The following BRF1 variants were observed in gnomAD, a reference collection of about 807,000 sequenced individuals.
The protein encoded by BRF1 is BRF1 general transcription factor IIIB subunit.
BRF1 carries 59 observed loss-of-function variants against 81.7 expected under a neutral mutation model. The observed-to-expected ratio is 0.72, with a 90% CI of 0.59 to 0.90. The LOEUF (loss-of-function observed/expected upper bound fraction) is 0.90. Ranked by LOEUF, BRF1 falls within the 40% of genes least tolerant of loss-of-function variation. The pLI, the probability that BRF1 is intolerant of heterozygous loss-of-function variation, is 0.00. For synonymous variants in BRF1, 491 were observed against 395.6 expected (o/e 1.24, Z -2.86); for missense variants, 1,050 against 936.3 (o/e 1.12, Z -1.58).
rs993248683 is a variant in BRF1, at chr14:105,222,014, C to T, written c.1049-100G>A. 19 of 1,427,594 alleles carry T rather than the reference C, an allele frequency of 1.3e-5. No individual in the cohort carries two copies. The Admixed American group carries it at 2.0e-4, about 15-fold the overall frequency. The allele number at this position is 1,427,594 out of a possible 1,614,324, so 88.4% of individuals were successfully genotyped here. ...CCAAGCTGCCAGGTAACCCATAGAA[C>T]GGCTGTCAGTGCACGGTGCCTGGCG... is the stretch of plus-strand genomic sequence containing the variant. On this transcript the variant is annotated intron_variant, in intron 10 of 17. Coordinates refer to ENST00000547530, the MANE Select transcript of BRF1 (RefSeq NM_001519.4).
intron 10 of BRF1, among the ~76,000 whole-genome samples, chr14:105,224,523 C>A (rs1892786569): frequency 1.3e-5 from 2 of 152,190 alleles, no homozygotes; most frequent in Admixed American, 1.3e-4. Context: ...TGGCAAAACT[C>A]ATCTTAAAAC....
chr14:105,279,022 A>G (rs998956238), intron 2 of BRF1, among the ~76,000 whole-genome samples: 1 of 152,106 alleles, frequency 6.6e-6, no homozygotes, highest in Non-Finnish European at 1.5e-5. Context: ...CCAGTCTGGC[A>G]AAAGAGTGAG....
chr14:105,265,054 G>GTTTTTTTTTTTTTTTTTTTTTTTTTTTTT (rs587673120), intron 3 of BRF1, among the ~76,000 whole-genome samples: 1 of 130,110 alleles, frequency 7.7e-6, no homozygotes. Flanking sequence ...CCTTTTTTTT[G>GTTTTTTTTTTTTTTTTTTTTTTTTTTTTT]TTTTTTTTTT....
chr14:105,241,220 C>G, intron 6 of BRF1, 45 bp downstream of exon 6: 1 of 1,600,312 alleles, frequency 6.2e-7, no homozygotes, highest in South Asian at 1.1e-5. Context: ...AGTGTGAGGC[C>G]AGGACCCAGA....
Position 105,272,968 on chromosome 14 carries a change from G to A in BRF1, c.266-74C>T, listed in dbSNP as rs1566855954. On this transcript the variant is annotated intron_variant, in intron 2 of 17. Coordinates refer to ENST00000547530, the MANE Select transcript of BRF1 (RefSeq NM_001519.4). ...TGAAAAGTATCACACGGCCACAGCA[G>A]CAACTTTAAGAATATAGATTTGTGC... 3 of 1,443,528 alleles carry A rather than the reference G, an allele frequency of 2.1e-6. No homozygotes were observed. In the African/African-American group the frequency reaches 4.3e-5, roughly 20 times the overall value. 89.4% of individuals were successfully genotyped at this position (1,443,528 alleles called of 1,614,324 possible). A position where few individuals can be genotyped will look rare whatever the true frequency, so the allele number is the denominator to read the frequency against.
intron 11 of BRF1, among the ~76,000 whole-genome samples, chr14:105,221,399 C>T (rs985868756): frequency 1.3e-5 from 2 of 152,210 alleles, no homozygotes; most frequent in African/African-American, 2.4e-5. Context: ...GACCTGAAGG[C>T]GGTCCCAGTG....
rs371451116 is a variant in BRF1 at position 105,250,277 on chromosome 14, G to A, written c.544+2230C>T. Reference sequence around the variant, plus strand: ...CCGCAGCAACCAGTGGCGGTACCGCGGGCGCTGCGACAGCATCCAGTTTGC... The same window carrying A: ...CCGCAGCAACCAGTGGCGGTACCGCAGGCGCTGCGACAGCATCCAGTTTGC... On this transcript the variant is annotated intron_variant, in intron 5 of 17. Transcript: ENST00000547530. 33 of 1,613,070 alleles carry A rather than the reference G, an allele frequency of 2.0e-5. No homozygotes were observed. The highest frequency in any genetic ancestry group is 2.7e-5 in the Non-Finnish European group (32 of 1,180,030).
chr14:105,213,575 G>C (rs1566794076), intron 15 of BRF1: 1 of 152,216 alleles, frequency 6.6e-6, no homozygotes. Context: ...GGAATACGGG[G>C]CTACAGGGAG....
Position 105,210,470 on chromosome 14 carries a change from C to A in BRF1, c.*81G>T, listed in dbSNP as rs1362603282. 1.3e-6 allele frequency: 2 copies of A among 1,538,974 alleles called. No individual in the cohort carries two copies. Among genetic ancestry groups the A allele is most frequent in the East Asian group, 2.3e-5 (1 of 43,174 alleles). ...GAGTCTCGGCGCTGGGGCCTGCCTG[C>A]TGCGGTCCTGGAAGCCCGTCTGATG... On this transcript the variant is annotated 3_prime_UTR_variant, in exon 18 of 18. Transcript: ENST00000547530. This position sits in a 1 kb window ranked among gnomAD's most constrained non-coding sequence, Gnocchi z 4.7.
At chr14:105,273,408 G>C (rs899341013) in intron 2 of BRF1, among the ~76,000 whole-genome samples, 12 of 152,318 alleles carry the variant, frequency 7.9e-5, no homozygotes, top group Admixed American at 6.5e-4. Context: ...CCAGCCACCC[G>C]GCCTGAGAAA....
At position 105,212,166 on chromosome 14, in the gene BRF1, T is replaced by A; in HGVS notation, c.1773-2A>T. 1.9e-6 allele frequency: 3 copies of A among 1,611,650 alleles called. No individual in the cohort carries two copies. The highest frequency in any genetic ancestry group is 2.5e-6 in the Non-Finnish European group (3 of 1,179,112). ...TGCGTAGACACCAGAGGCCTCAACCTGCAAAAGGAAGCACAGCATGGCGGC... is the reference window on the plus strand; with the variant it reads ...TGCGTAGACACCAGAGGCCTCAACCAGCAAAAGGAAGCACAGCATGGCGGC... On this transcript the variant is annotated splice_acceptor_variant, in intron 15 of 17. Coordinates refer to ENST00000547530, the MANE Select transcript of BRF1 (RefSeq NM_001519.4). LOFTEE classifies it high-confidence loss of function.
At position 105,241,427 on chromosome 14, in the gene BRF1, C is replaced by G. The variant is rs751607926; in HGVS notation, c.545-13G>C. The stretch of plus-strand genomic sequence containing the variant: ...TACAGGCACGGGTCTGCGGCAGACA[C>G]AGCACCTCAGTGCCCACCTCCATGT... On this transcript the variant is annotated splice_polypyrimidine_tract_variant and intron_variant, in intron 5 of 17. Transcript: ENST00000547530. 3.1e-6 allele frequency: 5 copies of G among 1,609,742 alleles called. No homozygotes were observed. Among genetic ancestry groups the G allele is most frequent in the African/African-American group, 1.3e-5 (1 of 75,076 alleles).
chr14:105,214,010 G>T (rs920830728), intron 15 of BRF1, among the ~76,000 whole-genome samples: 5 of 152,246 alleles, frequency 3.3e-5, no homozygotes, highest in African/African-American at 9.6e-5. Context: ...CCTGTACGGG[G>T]GTCCCCAGCC....
At chr14:105,247,335 G>T in intron 5 of BRF1, 13 of 985,458 alleles carry the variant, frequency 1.3e-5, no homozygotes, top group Non-Finnish European at 1.6e-5. Flanking sequence ...AACACTACGT[G>T]ACAAGTCTCA....
chr14:105,262,595 G>T lies in BRF1; in HGVS notation c.440-6046C>A, dbSNP rs3784215. Among the ~76,000 whole-genome samples, 500 of 152,346 alleles carry T rather than the reference G, an allele frequency of 3.3e-3. 3 individuals are homozygous for T. The highest frequency in any genetic ancestry group is 0.014 in the East Asian group (72 of 5,182). On this transcript the variant is annotated intron_variant, in intron 3 of 17. Transcript: ENST00000547530. Reference sequence around the variant, plus strand: ...CTGTGAAGTTCAAGGGTACCCAGGTGCCTTCTCAAAGATCCCTGCTCTGAA... The same window carrying T: ...CTGTGAAGTTCAAGGGTACCCAGGTTCCTTCTCAAAGATCCCTGCTCTGAA...
rs762606375 is a variant in BRF1, at chr14:105,217,637, T to C, written c.1679A>G (p.Gln560Arg). 22 of 1,613,380 alleles carry C rather than the reference T, an allele frequency of 1.4e-5. No homozygotes were observed. The highest frequency in any genetic ancestry group is 1.9e-5 in the Non-Finnish European group (22 of 1,180,024). The change falls in exon 15 of 18, where the codon CAG (glutamine) becomes CGG (arginine). Residue 560 changes from glutamine to arginine, a missense_variant. Physicochemically the swap from Gln to Arg is conservative, Grantham distance 43 (BLOSUM62 1). This residue lies in a region of BRF1 where 1,043 missense variants were observed against 915.4 expected (regional missense o/e 1.14). Coordinates refer to ENST00000547530, the MANE Select transcript of BRF1 (RefSeq NM_001519.4). ...CCTGGCACTGGCGCTATGCTCGGGC[T>C]GTGCATCCTCCCTGTGCGGACTGCC... ...GGGSPHREDAQPEHSASARKL... is the reference protein window; with the variant it reads ...GGGSPHREDARPEHSASARKL...
At chr14:105,228,672 G>A (rs2054208359) in intron 7 of BRF1, 148 bp downstream of exon 7, 2 of 837,358 alleles carry the variant, frequency 2.4e-6, no homozygotes, top group South Asian at 1.6e-5. Flanking sequence ...CCAAGCCATA[G>A]TGTGACCGGG....
upstream of BRF1, among the ~76,000 whole-genome samples, chr14:105,302,875 C>T (rs2058080960): frequency 6.6e-6 from 1 of 152,190 alleles, no homozygotes; most frequent in South Asian, 2.1e-4. Context: ...GCCACTGCTC[C>T]CCGCCCTGTC....
Position 105,221,630 on chromosome 14 carries a change from G to A in BRF1, c.1315+18C>T, listed in dbSNP as rs981071781. 6.2e-7 allele frequency: 1 copy of A among 1,603,000 alleles called. No homozygotes were observed. Among genetic ancestry groups the A allele is most frequent in the Non-Finnish European group, 8.5e-7 (1 of 1,177,742 alleles). On this transcript the variant is annotated intron_variant, in intron 11 of 17. Coordinates refer to ENST00000547530, the MANE Select transcript of BRF1 (RefSeq NM_001519.4). ...TCCCGATGACCTCAGCGTCCCCCAG[G>A]GCCCCATCAGAACTCACTGGGGTCG...
Sources: allele counts gnomAD v4.1 joint callset (sites outside exome capture counted in the v4.1 genomes callset), GRCh38; gene constraint gnomAD v4.1.1; regional missense constraint gnomAD v4.1.1; non-coding constraint Gnocchi (gnomAD v3.1); transcripts MANE v1.5; gene names NCBI Gene and HGNC (gene_info 2026-07-23, HGNC 2026-07-21).